The following CTNNA2 variants were observed in gnomAD, a reference collection of about 807,000 sequenced individuals.
CTNNA2 encodes the protein catenin alpha-2.
A neutral mutation model predicts 101.0 loss-of-function variants in CTNNA2; 42 were observed. That is an observed-to-expected ratio of 0.42 (90% CI 0.32 to 0.54). CTNNA2 has a LOEUF of 0.54. Among genes scored for constraint, CTNNA2 ranks in the 20% least tolerant of loss-of-function variants. CTNNA2 has a pLI of 0.14. For missense variants in CTNNA2, 871 were observed against 1,223.1 expected (o/e 0.71, Z 4.29); for synonymous variants, 450 against 456.4 (o/e 0.99, Z 0.18).
At chr2:80,113,567 A>G (rs1701341883) in intron 7 of CTNNA2, among the ~76,000 whole-genome samples, 1 of 152,220 alleles carries the variant, frequency 6.6e-6, no homozygotes, top group South Asian at 2.1e-4. Context: ...TTTTATTGGA[A>G]CACAGCCACG....
chr2:79,489,954 G>A (rs927223018), intron 4 of CTNNA2, among the ~76,000 whole-genome samples: 1 of 152,098 alleles, frequency 6.6e-6, no homozygotes. Context: ...CATTGTCACT[G>A]TAATTTTCAG....
intron 7 of CTNNA2, among the ~76,000 whole-genome samples, chr2:80,370,571 G>GA (rs1164682262): frequency 6.6e-6 from 1 of 151,994 alleles, no homozygotes; most frequent in African/African-American, 2.4e-5. Context: ...CTATCGAGGA[G>GA]AAAAAAACTT....
intron 7 of CTNNA2, among the ~76,000 whole-genome samples, chr2:80,129,382 G>A (rs556651923): frequency 6.6e-6 from 1 of 152,274 alleles, no homozygotes; most frequent in South Asian, 2.1e-4. Flanking sequence ...AAAGCTGTCA[G>A]TCAACTGCTC....
chr2:80,376,039 G>T (rs1675920367), intron 7 of CTNNA2, among the ~76,000 whole-genome samples: 1 of 152,076 alleles, frequency 6.6e-6, no homozygotes, highest in Non-Finnish European at 1.5e-5. Context: ...ACAGCACACA[G>T]AAGCTCCAGG....
chr2:80,066,859 G>A (rs138274461), intron 7 of CTNNA2, among the ~76,000 whole-genome samples: 1 of 152,126 alleles, frequency 6.6e-6, no homozygotes, highest in South Asian at 2.1e-4. Context: ...TGAATGGATG[G>A]ATAAAGAAAA....
chr2:80,572,922 T>C (rs1283053225), intron 12 of CTNNA2: 1 of 152,196 alleles, frequency 6.6e-6, no homozygotes, highest in Non-Finnish European at 1.5e-5. Context: ...CTCCCCCTCC[T>C]TTTTTAAGTC....
At chr2:79,892,622 G>T (rs1165829243) in intron 6 of CTNNA2, among the ~76,000 whole-genome samples, 1 of 152,140 alleles carries the variant, frequency 6.6e-6, no homozygotes, top group African/African-American at 2.4e-5. Flanking sequence ...TCCCCAGTAG[G>T]GGAAAGAAAG....
chr2:80,397,428 T>C (rs1264884738), intron 8 of CTNNA2, among the ~76,000 whole-genome samples: 1 of 152,166 alleles, frequency 6.6e-6, no homozygotes, highest in Non-Finnish European at 1.5e-5. Context: ...CCATTCATCT[T>C]GAATTGTAGC....
At chr2:80,394,872 G>A (rs893818781) in intron 8 of CTNNA2, among the ~76,000 whole-genome samples, 122 of 152,210 alleles carry the variant, frequency 8.0e-4, no homozygotes, top group African/African-American at 2.9e-3. Flanking sequence ...AGCAGTGGGA[G>A]GACATCTCCA....
In CTNNA2 at chr2:79,360,504, C is replaced by T. The variant is rs181728918; in HGVS notation, c.-317-13327C>T. ...ATTAAGATGTAAAGAGGCTTGAGCGCCAGATGGAAGCATTTGGACTTATTT... is the reference window on the plus strand; with the variant it reads ...ATTAAGATGTAAAGAGGCTTGAGCGTCAGATGGAAGCATTTGGACTTATTT... On this transcript the variant is annotated intron_variant, in intron 3 of 21. Transcript: ENST00000466387. 1.3e-3 allele frequency among the ~76,000 whole-genome samples: 193 copies of T among 152,224 alleles called. 3 individuals carry two copies. The highest frequency in any genetic ancestry group is 9.1e-3 in the Admixed American group (139 of 15,294).
intron 2 of CTNNA2, among the ~76,000 whole-genome samples, chr2:79,252,267 A>G (rs1034144560): frequency 6.7e-6 from 1 of 149,170 alleles, no homozygotes; most frequent in African/African-American, 2.5e-5. Flanking sequence ...CAGTCCCTCA[A>G]GTTAAAAGAG....
chr2:79,835,679 T>TG (rs1172730527), intron 3 of CTNNA2, among the ~76,000 whole-genome samples: 780 of 70,812 alleles, frequency 0.011, 28 homozygotes, highest in African/African-American at 0.043. Context: ...TTTTTTTTTT[T>TG]TTTTTTTTTT....
intron 4 of CTNNA2, among the ~76,000 whole-genome samples, chr2:79,394,439 G>C (rs1678208000): frequency 6.6e-6 from 1 of 152,180 alleles, no homozygotes; most frequent in Non-Finnish European, 1.5e-5. Context: ...TTATTGATTG[G>C]ATGGTAAATA....
intron 7 of CTNNA2, among the ~76,000 whole-genome samples, chr2:79,987,995 A>G (rs1691885895): frequency 6.6e-6 from 1 of 152,218 alleles, no homozygotes; most frequent in African/African-American, 2.4e-5. Context: ...GGAAGTTGGG[A>G]CAGACTTTCT....
chr2:79,683,629 A>G (rs988697101), intron 2 of CTNNA2, among the ~76,000 whole-genome samples: 9 of 152,208 alleles, frequency 5.9e-5, no homozygotes, highest in Admixed American at 6.5e-5. Flanking sequence ...TTACATTGTT[A>G]AGTGTCTGCA....
At chr2:80,394,930 G>A (rs1323163235) in intron 8 of CTNNA2, among the ~76,000 whole-genome samples, 1 of 151,878 alleles carries the variant, frequency 6.6e-6, no homozygotes, top group African/African-American at 2.4e-5. Flanking sequence ...TCATGAACTG[G>A]GTCTTCCCAT....
intron 7 of CTNNA2, among the ~76,000 whole-genome samples, chr2:80,143,021 C>T (rs1389431165): frequency 6.6e-6 from 1 of 152,172 alleles, no homozygotes; most frequent in East Asian, 1.9e-4. Context: ...TCTTGGACAA[C>T]CTTGTATGGA....
At chr2:79,585,029 C>T (rs1676392658) in intron 1 of CTNNA2, among the ~76,000 whole-genome samples, 2 of 152,152 alleles carry the variant, frequency 1.3e-5, no homozygotes, top group Admixed American at 1.3e-4. Context: ...GTCTTTGGAT[C>T]TTCCACTGGT....
chr2:80,479,315 G>A (rs766732577), intron 9 of CTNNA2, among the ~76,000 whole-genome samples: 18 of 152,132 alleles, frequency 1.2e-4, no homozygotes, highest in Non-Finnish European at 1.2e-4. Flanking sequence ...TTTGGCTGCC[G>A]GACATGGTGA....
Sources: allele counts gnomAD v4.1 joint callset (sites outside exome capture counted in the v4.1 genomes callset), GRCh38; gene constraint gnomAD v4.1.1; transcripts MANE v1.5; gene names NCBI Gene and HGNC (gene_info 2026-07-23, HGNC 2026-07-21).